NUP155: variants seen among roughly 807,000 people sequenced by gnomAD.
NUP155 encodes nucleoporin 155.
Under a neutral mutation model 180.4 loss-of-function variants are expected in NUP155, and 71 were observed. The ratio of observed to expected loss-of-function variants is 0.39; its 90% CI spans 0.33 to 0.48. The LOEUF is 0.48. NUP155 is among the 20% of genes least tolerant of loss of function. The pLI is 0.91. For missense variants in NUP155, 1,553 were observed against 1,648.9 expected (o/e 0.94, Z 1.01); for synonymous variants, 582 against 559.5 (o/e 1.04, Z -0.57).
intron 30 of NUP155, among the ~76,000 whole-genome samples, chr5:37,300,201 A>G (rs1742791438): frequency 6.6e-6 from 1 of 152,060 alleles, no homozygotes; most frequent in Non-Finnish European, 1.5e-5. Context: ...TATGGGGTAC[A>G]TGAGATGTTC....
At chr5:37,355,831 G>T (rs550496097) in intron 4 of NUP155, among the ~76,000 whole-genome samples, 2 of 151,854 alleles carry the variant, frequency 1.3e-5, no homozygotes, top group Non-Finnish European at 2.9e-5. Context: ...ACCCACCTTG[G>T]CCTCCCAAAG....
At chr5:37,338,925 A>G (rs1745533726) in intron 11 of NUP155, among the ~76,000 whole-genome samples, 2 of 152,248 alleles carry the variant, frequency 1.3e-5, no homozygotes, top group South Asian at 2.1e-4. Flanking sequence ...AAATATACTT[A>G]GTATATAAAA....
intron 30 of NUP155, 64 bp downstream of exon 30, chr5:37,301,373 T>TA: frequency 1.7e-6 from 2 of 1,163,942 alleles, no homozygotes; most frequent in Non-Finnish European, 2.6e-6. Context: ...AAAAGCAAAA[T>TA]AAAAAACAAA....
chr5:37,349,682 G>T (rs943227805), intron 7 of NUP155, among the ~76,000 whole-genome samples: 1 of 152,138 alleles, frequency 6.6e-6, no homozygotes, highest in Non-Finnish European at 1.5e-5. Flanking sequence ...CTAATTGATT[G>T]TGTGAAAGAA....
At chr5:37,303,142 T>A in intron 28 of NUP155, 118 bp downstream of exon 28, 1 of 1,195,326 alleles carries the variant, frequency 8.4e-7, no homozygotes, top group South Asian at 1.4e-5. Context: ...ACATCCTATT[T>A]AAAAAATTTA....
chr5:37,290,529 A>G lies in NUP155; in HGVS notation c.*1371T>C, dbSNP rs1742190055. On this transcript the variant is annotated 3_prime_UTR_variant, in exon 35 of 35. Coordinates refer to ENST00000231498, the MANE Select transcript of NUP155 (RefSeq NM_153485.3). The stretch of plus-strand genomic sequence containing the variant: ...ATAGAGTGTTTTGTTAGCTCTGGTC[A>G]TTCCCACTCTTCTTCTCTCTTGTTG... 1 of 151,444 alleles carries G rather than the reference A, an allele frequency of 6.6e-6. No homozygotes were observed. The highest frequency in any genetic ancestry group is 2.1e-4 in the South Asian group (1 of 4,818). 9.4% of individuals were successfully genotyped at this position (151,444 alleles called of 1,614,324 possible). A position where few individuals can be genotyped will look rare whatever the true frequency, so the allele number is the denominator to read the frequency against.
chr5:37,327,284 G>C (rs1343511189), intron 18 of NUP155: 1 of 328,480 alleles, frequency 3.0e-6, no homozygotes, highest in Non-Finnish European at 5.8e-6. Context: ...GAGGCTTCTA[G>C]ACAGTAGGCT....
At chr5:37,293,260 C>G (rs1048857198) in intron 33 of NUP155, 1 of 314,488 alleles carries the variant, frequency 3.2e-6, no homozygotes, top group Admixed American at 4.7e-5. Context: ...GCTTAGGAAT[C>G]TGAGATAAGA....
chr5:37,292,849 T>C (rs1362238493), intron 34 of NUP155, 30 bp downstream of exon 34: 6 of 1,414,412 alleles, frequency 4.2e-6, no homozygotes, highest in Admixed American at 3.4e-5. Flanking sequence ...TTAAAAGCTT[T>C]TGCTGATCCA....
chr5:37,311,453 T>G (rs1345987220), intron 22 of NUP155, among the ~76,000 whole-genome samples: 1 of 150,278 alleles, frequency 6.7e-6, no homozygotes, highest in Non-Finnish European at 1.5e-5. Flanking sequence ...AAAGATAAGT[T>G]TCATAATTAA....
At chr5:37,323,870 G>C (rs1191348174) in intron 20 of NUP155, 122 bp downstream of exon 20, 7 of 703,098 alleles carry the variant, frequency 1.0e-5, no homozygotes, top group Non-Finnish European at 1.8e-5. Context: ...TAACCTTGTA[G>C]ATACACTAAA....
chr5:37,333,725 T>A, intron 12 of NUP155, 92 bp from the exon 13 acceptor site: 1 of 832,078 alleles, frequency 1.2e-6, no homozygotes, highest in Non-Finnish European at 1.9e-6. Flanking sequence ...GTAAATTTAA[T>A]AAATAGTACA....
chr5:37,341,866 T>C (rs1258143514), intron 10 of NUP155, among the ~76,000 whole-genome samples: 1 of 152,106 alleles, frequency 6.6e-6, no homozygotes, highest in African/African-American at 2.4e-5. Flanking sequence ...AATTACCATA[T>C]AGACTATCTG....
At chr5:37,367,072 G>T (rs1747638648) in intron 1 of NUP155, among the ~76,000 whole-genome samples, 1 of 151,262 alleles carries the variant, frequency 6.6e-6, no homozygotes, top group Non-Finnish European at 1.5e-5. Flanking sequence ...CTGAGACGGG[G>T]TTTCACTCTG....
chr5:37,360,788 G>T (rs1022721319), intron 3 of NUP155, among the ~76,000 whole-genome samples: 2 of 141,352 alleles, frequency 1.4e-5, no homozygotes, highest in African/African-American at 2.6e-5. Context: ...AAAAAAAAAG[G>T]GGGGGGGGTC....
Position 37,370,902 on chromosome 5 carries a change from C to T in NUP155, c.76G>A (p.Ala26Thr), listed in dbSNP as rs1561823214. 6.2e-7 allele frequency: 1 copy of T among 1,614,216 alleles called. No individual in the cohort carries two copies. The highest frequency in any genetic ancestry group is 1.7e-5 in the Admixed American group (1 of 60,014). ...AAALQEALEN[A>T]GRLIDRQLQE... ...AACTGACGGTCGATGAGCCGTCCAG[C>T]ATTTTCCAGAGCTTCCTGCAGGGCT... Residue 26 changes from alanine (A) to threonine (T), a missense_variant, in exon 1 of 35, where the codon GCT (alanine) becomes ACT (threonine). Transcript: ENST00000231498.
rs370412278 is a variant in NUP155 at position 37,309,251 on chromosome 5, T to C, written c.2645A>G (p.Gln882Arg). 5.6e-6 allele frequency: 9 copies of C among 1,610,480 alleles called. No homozygotes were observed. The highest frequency in any genetic ancestry group is 6.8e-6 in the Non-Finnish European group (8 of 1,178,698). ...AICSKANELLQRSRQVQNKTE... is the reference protein window; with the variant it reads ...AICSKANELLRRSRQVQNKTE... The stretch of plus-strand genomic sequence containing the variant: ...CTTATTTTGAACTTGTCGGGAACGC[T>C]GGAGAAGCTCATTTGCCTAGAAGAG... The change falls in exon 24 of 35, where the codon CAG becomes CGG. Residue 882 changes from glutamine to arginine, a missense_variant. Coordinates refer to ENST00000231498, the MANE Select transcript of NUP155 (RefSeq NM_153485.3).
At chr5:37,352,931 T>C in intron 4 of NUP155, 102 bp from the exon 5 acceptor site, 1 of 761,516 alleles carries the variant, frequency 1.3e-6, no homozygotes, top group Admixed American at 2.2e-5. Flanking sequence ...AAATGGTATA[T>C]GAAAAGTCTG....
At chr5:37,348,074 C>T (rs59798106) in intron 9 of NUP155, among the ~76,000 whole-genome samples, 3,839 of 152,102 alleles carry the variant, frequency 0.025, 153 homozygotes, top group African/African-American at 0.088. Context: ...GCAGAAGTTG[C>T]GGTGAGCAGA....
Sources: allele counts gnomAD v4.1 joint callset (sites outside exome capture counted in the v4.1 genomes callset), GRCh38; gene constraint gnomAD v4.1.1; transcripts MANE v1.5; gene names NCBI Gene and HGNC (gene_info 2026-07-23, HGNC 2026-07-21).